Variants in XRCC4 observed in about 807,000 individuals in gnomAD.
XRCC4 encodes X-ray repair cross complementing 4.
XRCC4 carries 28 observed loss-of-function variants against 39.1 expected under a neutral mutation model. The observed-to-expected ratio is 0.72, with a 90% CI of 0.53 to 0.98. XRCC4 has a LOEUF of 0.98. Among genes scored for constraint, XRCC4 ranks in the 50% least tolerant of loss-of-function variants. XRCC4 has a pLI of 0.00. For synonymous variants in XRCC4, 123 were observed against 126.4 expected (o/e 0.97, Z 0.18); for missense variants, 350 against 376.4 (o/e 0.93, Z 0.58).
At chr5:83,113,880 C>G (rs190352607) in intron 3 of XRCC4, among the ~76,000 whole-genome samples, 3 of 152,322 alleles carry the variant, frequency 2.0e-5, no homozygotes, top group Non-Finnish European at 4.4e-5. Flanking sequence ...CCCGCCTCAG[C>G]CCCCCAAAGT....
At chr5:83,334,380 T>G (rs1299831054) in intron 7 of XRCC4, among the ~76,000 whole-genome samples, 1 of 152,112 alleles carries the variant, frequency 6.6e-6, no homozygotes, top group Non-Finnish European at 1.5e-5. Context: ...GAACATTACC[T>G]AGAAAGAGTA....
chr5:83,083,999 TG>T (rs1745075215), intron 1 of XRCC4, among the ~76,000 whole-genome samples: 1 of 152,172 alleles, frequency 6.6e-6, no homozygotes, highest in African/African-American at 2.4e-5. Context: ...ATTATAATTC[TG>T]TTTGGGTGTC....
intron 3 of XRCC4, among the ~76,000 whole-genome samples, chr5:83,135,187 C>T (rs1361317320): frequency 6.6e-6 from 1 of 152,140 alleles, no homozygotes; most frequent in Non-Finnish European, 1.5e-5. Context: ...TGAGGTGATG[C>T]CCCACCCTGC....
intron 1 of XRCC4, among the ~76,000 whole-genome samples, chr5:83,094,487 G>A (rs1745583707): frequency 6.7e-6 from 1 of 149,042 alleles, no homozygotes; most frequent in Admixed American, 6.7e-5. Context: ...CCATCTAGAA[G>A]CTCACTGATT....
intron 4 of XRCC4, among the ~76,000 whole-genome samples, chr5:83,198,195 T>C (rs564397864): frequency 1.3e-5 from 2 of 152,234 alleles, no homozygotes; most frequent in South Asian, 4.1e-4. Flanking sequence ...ATAGTTAATT[T>C]TGGGGGAAGC....
chr5:83,244,674 T>C (rs1753034022), intron 6 of XRCC4, among the ~76,000 whole-genome samples: 1 of 152,174 alleles, frequency 6.6e-6, no homozygotes, highest in South Asian at 2.1e-4. Context: ...TTTGTGCCTC[T>C]TTAGTTGAAT....
chr5:83,176,178 G>T (rs570460590), intron 3 of XRCC4, among the ~76,000 whole-genome samples: 8 of 152,214 alleles, frequency 5.3e-5, no homozygotes, highest in Admixed American at 2.6e-4. Context: ...TGTTTGTTAT[G>T]GTTGTTACTT....
chr5:83,082,418 G>A (rs1040904090), intron 1 of XRCC4, among the ~76,000 whole-genome samples: 4 of 152,144 alleles, frequency 2.6e-5, no homozygotes, highest in Non-Finnish European at 4.4e-5. Flanking sequence ...TAAATGCACC[G>A]TGGTAGTATA....
At chr5:83,212,941 AC>A (rs1449433220) in intron 6 of XRCC4, among the ~76,000 whole-genome samples, 41 of 148,442 alleles carry the variant, frequency 2.8e-4, no homozygotes, top group African/African-American at 8.6e-4. Flanking sequence ...AAAAAAAAAA[AC>A]ACCAAAATAA....
chr5:83,161,341 A>G (rs1177622848), intron 3 of XRCC4, among the ~76,000 whole-genome samples: 1 of 152,154 alleles, frequency 6.6e-6, no homozygotes, highest in Non-Finnish European at 1.5e-5. Flanking sequence ...CTTGTTGGCC[A>G]GGCTGTTCGT....
At chr5:83,098,819 TAGTC>T (rs779579168) in intron 1 of XRCC4, among the ~76,000 whole-genome samples, 12 of 141,516 alleles carry the variant, frequency 8.5e-5, no homozygotes, top group Non-Finnish European at 1.8e-4. Context: ...AAAATGCAAA[TAGTC>T]AGTGCTTTTA....
At chr5:83,199,000 C>A (rs1751065666) in intron 4 of XRCC4, among the ~76,000 whole-genome samples, 1 of 152,172 alleles carries the variant, frequency 6.6e-6, no homozygotes, top group African/African-American at 2.4e-5. Context: ...GCACTCAGAC[C>A]TCTACTTAGA....
At chr5:83,267,808 AT>A (rs1320149668) in intron 7 of XRCC4, among the ~76,000 whole-genome samples, 1 of 152,186 alleles carries the variant, frequency 6.6e-6, no homozygotes, top group Non-Finnish European at 1.5e-5. Context: ...AAGAAGGGCT[AT>A]CCTATCAGGG....
chr5:83,151,643 G>A (rs1256954022), intron 3 of XRCC4, among the ~76,000 whole-genome samples: 2 of 152,048 alleles, frequency 1.3e-5, no homozygotes, highest in Non-Finnish European at 1.5e-5. Context: ...TTGGATTGGG[G>A]ATAAAAATAA....
chr5:83,198,002 G>C (rs1580358837), intron 4 of XRCC4, among the ~76,000 whole-genome samples: 3 of 152,108 alleles, frequency 2.0e-5, no homozygotes, highest in Admixed American at 2.0e-4. Flanking sequence ...GTTTCTTAGT[G>C]TTCCCTCACT....
chr5:83,083,750 T>A lies in XRCC4; in HGVS notation c.-11+6135T>A, dbSNP rs372553386. On this transcript the variant is annotated intron_variant, in intron 1 of 7. Coordinates refer to ENST00000396027, the MANE Select transcript of XRCC4 (RefSeq NM_003401.5). Reference sequence around the variant, plus strand: ...TCTGAAACACTGAATTATTTATCACTTCCATGTATCATGCTATTTCTTGCC... The same window carrying A: ...TCTGAAACACTGAATTATTTATCACATCCATGTATCATGCTATTTCTTGCC... 5.9e-5 allele frequency among the ~76,000 whole-genome samples: 9 copies of A among 152,198 alleles called. No homozygotes were observed. The East Asian group carries it at 7.7e-4, about 13-fold the overall frequency.
rs547567403 is a variant in XRCC4, at chr5:83,347,627, T to G, written c.894-5504T>G. On this transcript the variant is annotated intron_variant, in intron 7 of 7. Transcript: ENST00000396027. Reference sequence around the variant, plus strand: ...ACTCCTCCAACATTGGGGATTACACTTCAACATGAGATTTGGGTGCAGACA... The same window carrying G: ...ACTCCTCCAACATTGGGGATTACACGTCAACATGAGATTTGGGTGCAGACA... 4.6e-5 allele frequency among the ~76,000 whole-genome samples: 7 copies of G among 152,274 alleles called. 1 individual carries two copies. Among genetic ancestry groups the G allele is most frequent in the African/African-American group, 1.7e-4 (7 of 41,564 alleles).
At chr5:83,138,710 A>C (rs547375521) in intron 3 of XRCC4, among the ~76,000 whole-genome samples, 39 of 152,174 alleles carry the variant, frequency 2.6e-4, no homozygotes, top group African/African-American at 8.7e-4. Context: ...CAGTCTTGTA[A>C]TAATTAAAGG....
At chr5:83,325,032 C>T (rs1293594156) in intron 7 of XRCC4, among the ~76,000 whole-genome samples, 1 of 152,040 alleles carries the variant, frequency 6.6e-6, no homozygotes, top group African/African-American at 2.4e-5. Flanking sequence ...CAATGTAGCA[C>T]AATCCCATCT....
Sources: allele counts gnomAD v4.1 joint callset (sites outside exome capture counted in the v4.1 genomes callset), GRCh38; gene constraint gnomAD v4.1.1; transcripts MANE v1.5; gene names NCBI Gene and HGNC (gene_info 2026-07-23, HGNC 2026-07-21).